DISC1: variants seen among roughly 807,000 people sequenced by gnomAD.
The protein encoded by DISC1 is DISC1 scaffold protein, also known as disrupted in schizophrenia 1 protein.
Under a neutral mutation model 84.5 loss-of-function variants are expected in DISC1, and 57 were observed. That is an observed-to-expected ratio of 0.67 (90% confidence interval 0.55 to 0.84). DISC1 has a LOEUF of 0.84. Ranked by LOEUF, DISC1 falls within the 40% of genes least tolerant of loss-of-function variation. The pLI, the probability that DISC1 is intolerant of heterozygous loss-of-function variation, is 0.00. For synonymous variants in DISC1, 411 were observed against 415.2 expected (o/e 0.99, Z 0.12); for missense variants, 1,000 against 1,057.8 (o/e 0.95, Z 0.76).
chr1:231,963,500 T>G (rs1294728555), intron 10 of DISC1, among the ~76,000 whole-genome samples: 1 of 152,136 alleles, frequency 6.6e-6, no homozygotes, highest in African/African-American at 2.4e-5. Flanking sequence ...CCCCTCTGCA[T>G]GTGCCCTGGT....
intron 9 of DISC1, chr1:231,944,088 C>T (rs377302155): frequency 7.9e-5 from 12 of 152,280 alleles, no homozygotes; most frequent in East Asian, 5.8e-4. Context: ...TGCTTGAATT[C>T]CTTGGACTCT....
intron 9 of DISC1, among the ~76,000 whole-genome samples, chr1:231,950,320 A>G (rs1179235378): frequency 2.0e-5 from 3 of 151,826 alleles, no homozygotes; most frequent in African/African-American, 4.8e-5. Flanking sequence ...GTTGCATACT[A>G]CTAGGTAAGA....
chr1:231,705,825 A>G (rs1176131641), intron 3 of DISC1, among the ~76,000 whole-genome samples: 2 of 152,132 alleles, frequency 1.3e-5, no homozygotes, highest in Non-Finnish European at 2.9e-5. Context: ...TGTTAGGAGC[A>G]GCTGTGCAGC....
chr1:231,843,687 T>C (rs562144286), intron 9 of DISC1, among the ~76,000 whole-genome samples: 1 of 151,986 alleles, frequency 6.6e-6, no homozygotes, highest in Non-Finnish European at 1.5e-5. Context: ...CAGGTGGTCA[T>C]GAGGGAGGAG....
chr1:231,678,271 G>A (rs1250613190), intron 1 of DISC1, among the ~76,000 whole-genome samples: 1 of 152,156 alleles, frequency 6.6e-6, no homozygotes, highest in East Asian at 2.0e-4. Flanking sequence ...GGAGGTCAAA[G>A]AGGACGAATG....
chr1:231,758,403 G>A (rs1385310161), intron 4 of DISC1, among the ~76,000 whole-genome samples: 2 of 151,968 alleles, frequency 1.3e-5, no homozygotes, highest in Non-Finnish European at 2.9e-5. Flanking sequence ...TTACTCCCAT[G>A]TGGGCCAGGT....
chr1:231,935,644 A>G (rs1338787964), intron 9 of DISC1, among the ~76,000 whole-genome samples: 3 of 152,182 alleles, frequency 2.0e-5, no homozygotes, highest in Non-Finnish European at 2.9e-5. Context: ...TACCTTATAC[A>G]GGGTTTGGCG....
At chr1:231,935,556 T>C (rs1572170683) in intron 9 of DISC1, among the ~76,000 whole-genome samples, 1 of 152,324 alleles carries the variant, frequency 6.6e-6, no homozygotes, top group East Asian at 1.9e-4. Flanking sequence ...GCAAACATTT[T>C]TAAACAATTG....
intron 3 of DISC1, among the ~76,000 whole-genome samples, chr1:231,730,998 A>G (rs971220927): frequency 2.0e-5 from 3 of 152,306 alleles, no homozygotes; most frequent in African/African-American, 7.2e-5. Context: ...AAAAAAAAAA[A>G]TCACAGTTTT....
rs138153524 is a variant in DISC1 at position 231,748,564 on chromosome 1, C to T, written c.1118-1362C>T. Reference sequence around the variant, plus strand: ...GTTTATTGATTTGCATATTTTGAACCAACTTTGCATTCCTGGGATAAATCC... The same window carrying T: ...GTTTATTGATTTGCATATTTTGAACTAACTTTGCATTCCTGGGATAAATCC... On this transcript the variant is annotated intron_variant, in intron 3 of 12. Coordinates refer to ENST00000439617, the MANE Select transcript of DISC1 (RefSeq NM_018662.3). Among the ~76,000 whole-genome samples the T allele has an allele frequency of 7.4e-3, 1,120 of 152,198 alleles. 12 individuals carry two copies. Among genetic ancestry groups the T allele is most frequent in the African/African-American group, 0.025 (1,053 of 41,532 alleles).
At chr1:231,922,397 A>G (rs2126083446) in intron 9 of DISC1, among the ~76,000 whole-genome samples, 1 of 152,240 alleles carries the variant, frequency 6.6e-6, no homozygotes, top group South Asian at 2.1e-4. Flanking sequence ...TGTTGCATTT[A>G]ATCCTCACAC....
At chr1:231,631,226 C>T (rs563544536) in intron 1 of DISC1, among the ~76,000 whole-genome samples, 24 of 152,328 alleles carry the variant, frequency 1.6e-4, no homozygotes, top group African/African-American at 3.4e-4. Context: ...ACTATGTATG[C>T]AGAGACATAG....
chr1:231,692,437 C>T (rs1331566281), intron 1 of DISC1, among the ~76,000 whole-genome samples: 3 of 152,240 alleles, frequency 2.0e-5, no homozygotes, highest in Admixed American at 6.5e-5. Context: ...GGTCATTGTG[C>T]TCATTTCCCC....
At chr1:231,816,573 T>C (rs946329762) in intron 8 of DISC1, among the ~76,000 whole-genome samples, 1 of 152,218 alleles carries the variant, frequency 6.6e-6, no homozygotes, top group Non-Finnish European at 1.5e-5. Flanking sequence ...GATCCACCTT[T>C]AATTAAATTT....
chr1:231,922,415 A>G lies in DISC1; in HGVS notation c.1982-36413A>G, dbSNP rs115071035. ...TGCATTTAATCCTCACACTGAGCCC[A>G]CGAAGCTTGTCCTAACATTATTCCC... is the stretch of plus-strand genomic sequence containing the variant. On this transcript the variant is annotated intron_variant, in intron 9 of 12. Coordinates refer to ENST00000439617, the MANE Select transcript of DISC1 (RefSeq NM_018662.3). 4.7e-3 allele frequency among the ~76,000 whole-genome samples: 714 copies of G among 152,302 alleles called. 5 individuals carry two copies. Among genetic ancestry groups the G allele is most frequent in the African/African-American group, 0.016 (656 of 41,566 alleles).
chr1:231,929,874 C>G (rs2090550262), intron 9 of DISC1, among the ~76,000 whole-genome samples: 1 of 152,116 alleles, frequency 6.6e-6, no homozygotes, highest in Non-Finnish European at 1.5e-5. Flanking sequence ...TTCTGATGTC[C>G]CCCAGGCTTT....
chr1:231,766,780 A>G (rs1355413301), intron 4 of DISC1, among the ~76,000 whole-genome samples: 2 of 152,226 alleles, frequency 1.3e-5, no homozygotes, highest in Non-Finnish European at 2.9e-5. Context: ...AATATTACGA[A>G]TGAGTTATTT....
At chr1:231,639,880 T>A (rs2059490984) in intron 1 of DISC1, among the ~76,000 whole-genome samples, 1 of 152,244 alleles carries the variant, frequency 6.6e-6, no homozygotes, top group African/African-American at 2.4e-5. Flanking sequence ...CCTCCTGTCC[T>A]AATCCAGGTC....
At chr1:232,032,696 G>A (rs1670169135) in intron 12 of DISC1, among the ~76,000 whole-genome samples, 1 of 152,144 alleles carries the variant, frequency 6.6e-6, no homozygotes, top group African/African-American at 2.4e-5. Flanking sequence ...GAATTATTCT[G>A]CTTTTTTGAG....
Sources: allele counts gnomAD v4.1 joint callset (sites outside exome capture counted in the v4.1 genomes callset), GRCh38; gene constraint gnomAD v4.1.1; transcripts MANE v1.5; gene names NCBI Gene and HGNC (gene_info 2026-07-23, HGNC 2026-07-21).